The following GPRIN3 variants were observed in gnomAD, a reference collection of about 807,000 sequenced individuals.
GPRIN3 encodes G protein-regulated inducer of neurite outgrowth 3.
GPRIN3 carries 12 observed loss-of-function variants against 13.7 expected under a neutral mutation model. That is an observed-to-expected ratio of 0.87 (90% CI 0.56 to 1.42). The LOEUF (loss-of-function observed/expected upper bound fraction) is 1.42. Ranked by LOEUF, GPRIN3 falls within the 40% of genes most tolerant of loss-of-function variation. GPRIN3 has a pLI of 0.00. For missense variants in GPRIN3, 1,009 were observed against 958.7 expected, an observed-to-expected ratio of 1.05 and a Z score of -0.69; for synonymous variants, 377 against 372.7, an observed-to-expected ratio of 1.01 and a Z score of -0.13.
In GPRIN3 at chr4:89,248,684, C is replaced by A. The variant is rs367974814; in HGVS notation, c.1427G>T (p.Cys476Phe). ...TAIDQISISA[C>F]SQAETSYGLG... ...TCCATAACTTGTTTCAGCTTGACTG[C>A]ATGCACTGATAGAAATCTGGTCAAT... The change falls in exon 2 of 2, where the codon TGC (cysteine) becomes TTC (phenylalanine). Residue 476 changes from cysteine (C) to phenylalanine (F), a missense_variant. Transcript: ENST00000609438. 6.2e-6 allele frequency: 10 copies of A among 1,614,068 alleles called. No individual in the cohort carries two copies. The highest frequency in any genetic ancestry group is 1.6e-4 in the Middle Eastern group (1 of 6,084).
At chr4:89,285,848 C>G (rs1032736151) in intron 1 of GPRIN3, among the ~76,000 whole-genome samples, 4 of 152,122 alleles carry the variant, frequency 2.6e-5, no homozygotes, top group Non-Finnish European at 5.9e-5. Context: ...TGTTAGAATG[C>G]TCATTCTTTT....
chr4:89,274,930 G>A (rs767649944), intron 1 of GPRIN3, among the ~76,000 whole-genome samples: 2 of 152,142 alleles, frequency 1.3e-5, no homozygotes, highest in Non-Finnish European at 2.9e-5. Flanking sequence ...GAGGAGTGAC[G>A]ACAGGTAGCT....
intron 1 of GPRIN3, among the ~76,000 whole-genome samples, chr4:89,258,121 A>C (rs935878479): frequency 6.6e-6 from 1 of 151,678 alleles, no homozygotes; most frequent in Non-Finnish European, 1.5e-5. Context: ...ATTTCCAGAC[A>C]AACGCCAGAG....
intron 1 of GPRIN3, among the ~76,000 whole-genome samples, chr4:89,303,492 G>A (rs866132616): frequency 5.9e-5 from 9 of 152,270 alleles, no homozygotes; most frequent in Non-Finnish European, 1.0e-4. Context: ...TGATGTTATG[G>A]CCACTCTGGC....
chr4:89,265,607 C>A (rs571960899), intron 1 of GPRIN3, among the ~76,000 whole-genome samples: 2 of 152,196 alleles, frequency 1.3e-5, no homozygotes, highest in African/African-American at 4.8e-5. Flanking sequence ...GTTGACCTTG[C>A]GGACTACTAT....
At chr4:89,276,964 G>C (rs912826700) in intron 1 of GPRIN3, among the ~76,000 whole-genome samples, 1 of 152,010 alleles carries the variant, frequency 6.6e-6, no homozygotes, top group African/African-American at 2.4e-5. Context: ...TGGTTTAGGC[G>C]GACCTATGTA....
At chr4:89,256,846 A>G (rs1365829809) in intron 1 of GPRIN3, among the ~76,000 whole-genome samples, 1 of 152,210 alleles carries the variant, frequency 6.6e-6, no homozygotes, top group African/African-American at 2.4e-5. Context: ...AGAGTAAAGA[A>G]AAAACATCAT....
intron 1 of GPRIN3, among the ~76,000 whole-genome samples, chr4:89,268,080 G>C (rs1175625841): frequency 6.6e-6 from 1 of 152,200 alleles, no homozygotes; most frequent in Non-Finnish European, 1.5e-5. Context: ...GCCTCAACAA[G>C]TTTGGGCTTT....
Position 89,247,805 on chromosome 4 carries a change from G to C in GPRIN3, c.2306C>G (p.Pro769Arg). 6.2e-7 allele frequency: 1 copy of C among 1,613,238 alleles called. No homozygotes were observed. The highest frequency in any genetic ancestry group is 8.5e-7 in the Non-Finnish European group (1 of 1,179,308). Residue 769 changes from proline to arginine, a missense_variant, in exon 2 of 2, where the codon CCT (proline) becomes CGT (arginine). By Grantham distance (103) the Pro-to-Arg change is moderately radical. Coordinates refer to ENST00000609438, the MANE Select transcript of GPRIN3 (RefSeq NM_198281.3). ...TCAATCTAACACAGAAGACGGGGCA[G>C]GACGGACGCAGCAGTTGGGGCGTCG... ...NFRRPNCCVR[P>R]APSSVLD
chr4:89,251,796 C>T (rs903086715), intron 1 of GPRIN3, among the ~76,000 whole-genome samples: 1 of 152,014 alleles, frequency 6.6e-6, no homozygotes, highest in Non-Finnish European at 1.5e-5. Context: ...TGTATGATTA[C>T]ATAAATTCTA....
rs34830493 is a variant in GPRIN3 at position 89,247,925 on chromosome 4, C to T, written c.2186G>A (p.Ser729Asn). The change falls in exon 2 of 2, where the codon AGC (serine) becomes AAC (asparagine). Residue 729 changes from serine (S) to asparagine (N), a missense_variant. Coordinates refer to ENST00000609438, the MANE Select transcript of GPRIN3 (RefSeq NM_198281.3). The stretch of plus-strand genomic sequence containing the variant: ...TGAGGAAATGGATCTCCGGGTCTGG[C>T]TATTTTGAGTTTTGATTAATTTCTC... ...EHEKLIKTQN[S>N]QTRRSISSDT... The T allele has an allele frequency of 1.6e-5, 26 of 1,614,024 alleles. No individual in the cohort carries two copies. The Admixed American group carries it at 3.7e-4, about 23-fold the overall frequency.
rs1722798592 is a variant in GPRIN3, at chr4:89,236,432, C to T, written c.*11348G>A. 6.6e-6 allele frequency: 1 copy of T among 152,062 alleles called. No homozygotes were observed. 9.4% of individuals were successfully genotyped at this position (152,062 alleles called of 1,614,324 possible). A position where few individuals can be genotyped will look rare whatever the true frequency, so the allele number is the denominator to read the frequency against. ...AAGTTTATTAAATAGAATACAATGG[C>T]AAAATTCAAGGCTTTTAACAATTGA... On this transcript the variant is annotated 3_prime_UTR_variant, in exon 2 of 2. Coordinates refer to ENST00000609438, the MANE Select transcript of GPRIN3 (RefSeq NM_198281.3).
At chr4:89,252,671 T>G (rs1218561284) in intron 1 of GPRIN3, among the ~76,000 whole-genome samples, 1 of 152,202 alleles carries the variant, frequency 6.6e-6, no homozygotes, top group East Asian at 1.9e-4. Context: ...ATAAATAGAA[T>G]GCATTTTCTC....
chr4:89,279,080 G>A (rs575891145), intron 1 of GPRIN3, among the ~76,000 whole-genome samples: 35 of 152,346 alleles, frequency 2.3e-4, no homozygotes, highest in African/African-American at 7.9e-4. Context: ...GCTGAGCACA[G>A]AGGGAAGAAC....
Position 89,248,707 on chromosome 4 carries a change from A to G in GPRIN3, c.1404T>C (p.Ile468=), listed in dbSNP as rs1187951119. The change falls in exon 2 of 2, where the codon ATT becomes ATC. Residue 468 remains isoleucine, a synonymous_variant. Transcript: ENST00000609438. ...TGCATGCACTGATAGAAATCTGGTC[A>G]ATGGCGGTAGCTTTCAGGGAGCTAG... ...TNSSSLKATA[I]DQISISACSQ... is the part of the protein sequence containing the mutation. 6.2e-7 allele frequency: 1 copy of G among 1,614,172 alleles called. No homozygotes were observed. The highest frequency in any genetic ancestry group is 8.5e-7 in the Non-Finnish European group (1 of 1,180,014).
chr4:89,293,760 G>A (rs1724656075), intron 1 of GPRIN3, among the ~76,000 whole-genome samples: 1 of 152,142 alleles, frequency 6.6e-6, no homozygotes, highest in Non-Finnish European at 1.5e-5. Context: ...CTCCATACCA[G>A]ATGTGACGTG....
intron 1 of GPRIN3, among the ~76,000 whole-genome samples, chr4:89,258,251 A>G (rs1030091005): frequency 1.1e-4 from 16 of 150,366 alleles, no homozygotes; most frequent in African/African-American, 3.4e-4. Flanking sequence ...TTTGAGACAG[A>G]GTCTTGCTCT....
At chr4:89,282,285 T>C (rs923646520) in intron 1 of GPRIN3, among the ~76,000 whole-genome samples, 6 of 152,238 alleles carry the variant, frequency 3.9e-5, no homozygotes, top group Non-Finnish European at 7.3e-5. Context: ...AATAGTAGTT[T>C]ATAACAAAAA....
At chr4:89,287,605 G>C (rs1724458419) in intron 1 of GPRIN3, among the ~76,000 whole-genome samples, 1 of 152,152 alleles carries the variant, frequency 6.6e-6, no homozygotes, top group Non-Finnish European at 1.5e-5. Context: ...GGGATGGGGA[G>C]ATAATGGGCT....
Sources: gnomAD v4.1 joint callset for allele counts (sites outside exome capture counted in the v4.1 genomes callset) on GRCh38, gnomAD v4.1.1 for gene constraint, MANE v1.5 for transcripts, NCBI Gene and HGNC (gene_info 2026-07-23, HGNC 2026-07-21) for gene names.